CLDN14: variants seen among roughly 807,000 people sequenced by gnomAD.
CLDN14 encodes claudin-14.
In CLDN14, 2 loss-of-function variants were observed where a neutral mutation model predicts 2.1. The ratio of observed to expected loss-of-function variants is 0.96; its 90% CI spans 0.39 to 3.01. The LOEUF is 3.01. Among genes scored for constraint, CLDN14 ranks in the 30% most tolerant of loss-of-function variants. The pLI is 0.09. For synonymous variants in CLDN14, 136 were observed against 154.4 expected (o/e 0.88, Z 0.88); for missense variants, 298 against 328.0 (o/e 0.91, Z 0.71).
chr21:36,553,301 G>A lies in CLDN14; in HGVS notation c.-220+23110C>T, dbSNP rs191585143. 5.6e-4 allele frequency among the ~76,000 whole-genome samples: 86 copies of A among 152,290 alleles called. 1 individual carries two copies. The highest frequency in any genetic ancestry group is 1.9e-3 in the African/African-American group (81 of 41,556). The stretch of plus-strand genomic sequence containing the variant: ...GAAGTAGGAGGTGCAAAAGGCGAGA[G>A]GAAGGGGAAGGTGGATTTGGGAAGG... On this transcript the variant is annotated intron_variant, in intron 1 of 2. Coordinates refer to the CLDN14 transcript ENST00000342108.
chr21:36,534,827 C>G (rs528151243), intron 1 of CLDN14, among the ~76,000 whole-genome samples: 1 of 152,150 alleles, frequency 6.6e-6, no homozygotes, highest in African/African-American at 2.4e-5. Context: ...TGTCCCCGCC[C>G]CTTATATTTA....
At chr21:36,572,211 G>T (rs1366135956) in intron 1 of CLDN14, among the ~76,000 whole-genome samples, 2 of 152,158 alleles carry the variant, frequency 1.3e-5, no homozygotes, top group Non-Finnish European at 2.9e-5. Flanking sequence ...TTGTTTAGGG[G>T]TCGCTATGTA....
chr21:36,520,224 TCTC>T (rs1470499036), intron 1 of CLDN14, among the ~76,000 whole-genome samples: 2 of 152,154 alleles, frequency 1.3e-5, no homozygotes, highest in African/African-American at 2.4e-5. Flanking sequence ...ATTTCCCTCT[TCTC>T]ATAAGGACAC....
chr21:36,492,695 CA>C (rs1217092125), intron 2 of CLDN14, among the ~76,000 whole-genome samples: 4 of 151,898 alleles, frequency 2.6e-5, no homozygotes, highest in African/African-American at 9.7e-5. Context: ...GCTGTCCTTA[CA>C]AAAAAAGGAT....
chr21:36,462,933 GCAAA>G (rs1469558040), intron 1 of CLDN14, among the ~76,000 whole-genome samples: 6 of 123,338 alleles, frequency 4.9e-5, no homozygotes, highest in East Asian at 2.0e-4. Flanking sequence ...AACAAAACAA[GCAAA>G]CAAACAAAAA....
At chr21:36,484,229 C>T (rs1314640481), upstream of CLDN14, among the ~76,000 whole-genome samples, 1 of 152,204 alleles carries the variant, frequency 6.6e-6, no homozygotes, top group Non-Finnish European at 1.5e-5. Flanking sequence ...ATTCTATTTA[C>T]GCATGCATGT....
intron 1 of CLDN14, among the ~76,000 whole-genome samples, chr21:36,471,929 A>ATT (rs142787937): frequency 0.014 from 2,167 of 152,342 alleles, 36 homozygotes; most frequent in African/African-American, 0.047. Context: ...TTCTCTGTAA[A>ATT]TTTAGCCTTT....
chr21:36,486,665 T>C, intron 2 of CLDN14: 1 of 1,424,878 alleles, frequency 7.0e-7, no homozygotes, highest in Non-Finnish European at 9.9e-7. Flanking sequence ...GTTCACCTCC[T>C]CTTCCCCCAA....
At chr21:36,493,793 G>A (rs1358417604) in intron 2 of CLDN14, among the ~76,000 whole-genome samples, 1 of 152,118 alleles carries the variant, frequency 6.6e-6, no homozygotes, top group African/African-American at 2.4e-5. Context: ...AGGAACACAT[G>A]TGGCTGGAGG....
intron 1 of CLDN14, among the ~76,000 whole-genome samples, chr21:36,549,022 T>C (rs2087545055): frequency 6.6e-6 from 1 of 152,166 alleles, no homozygotes; most frequent in Non-Finnish European, 1.5e-5. Context: ...GTAAGGACTG[T>C]GGAATATTTT....
In CLDN14 at chr21:36,501,332, C is replaced by CTTTTTTTTTTTTTT. The variant is rs58458004; in HGVS notation, c.-82+9017_-82+9030dup. ...AATGGGAGTTTCAGTCAATATCTCA[C>CTTTTTTTTTTTTTT]TTTTTTTTTTTTTTTTTTTTTTTTT... On this transcript the variant is annotated intron_variant, in intron 2 of 2. Coordinates refer to the CLDN14 transcript ENST00000342108. Among the ~76,000 whole-genome samples the CTTTTTTTTTTTTTT allele has an allele frequency of 1.2e-3, 57 of 48,442 alleles. 13 individuals are homozygous for CTTTTTTTTTTTTTT. The highest frequency in any genetic ancestry group is 1.2e-3 in the Non-Finnish European group (27 of 23,302). The allele number at this position is 48,442 out of a possible 152,430, so 31.8% of individuals were successfully genotyped here.
chr21:36,496,059 A>G (rs1487809596), intron 2 of CLDN14, among the ~76,000 whole-genome samples: 1 of 152,060 alleles, frequency 6.6e-6, no homozygotes, highest in Admixed American at 6.6e-5. Context: ...CTGGGAGTAA[A>G]TTTCGGTTGT....
chr21:36,500,863 A>G (rs2087086210), intron 2 of CLDN14, among the ~76,000 whole-genome samples: 1 of 152,236 alleles, frequency 6.6e-6, no homozygotes, highest in African/African-American at 2.4e-5. Flanking sequence ...ACACCGCCTT[A>G]TCTTTTAATA....
intron 1 of CLDN14, among the ~76,000 whole-genome samples, chr21:36,534,175 C>T (rs1253600115): frequency 6.6e-6 from 1 of 152,082 alleles, no homozygotes; most frequent in Non-Finnish European, 1.5e-5. Flanking sequence ...GATCTCAGCT[C>T]ACTGCAAACT....
At chr21:36,527,951 G>A (rs1323680454) in intron 1 of CLDN14, among the ~76,000 whole-genome samples, 4 of 152,078 alleles carry the variant, frequency 2.6e-5, no homozygotes, top group Non-Finnish European at 5.9e-5. Flanking sequence ...ATGCTGAGGC[G>A]AGGACAAAAG....
chr21:36,476,019 A>C (rs930019184), intron 1 of CLDN14, among the ~76,000 whole-genome samples: 2 of 152,108 alleles, frequency 1.3e-5, no homozygotes, highest in Non-Finnish European at 1.5e-5. Context: ...AAAGAGTCCA[A>C]AACGGTTTAA....
At chr21:36,555,790 C>T (rs451370) in intron 1 of CLDN14, among the ~76,000 whole-genome samples, 112,849 of 150,824 alleles carry the variant, frequency 0.75, 43,749 homozygotes, top group Non-Finnish European at 0.87. Context: ...TTTCTACTCC[C>T]GATTTTCTAT....
chr21:36,468,196 C>T (rs749861770), intron 1 of CLDN14, among the ~76,000 whole-genome samples: 2 of 152,194 alleles, frequency 1.3e-5, no homozygotes, highest in Admixed American at 1.3e-4. Context: ...GATGTTCAGC[C>T]ACTTCAGAAA....
At chr21:36,574,632 T>TG (rs2087729291) in intron 1 of CLDN14, among the ~76,000 whole-genome samples, 1 of 152,376 alleles carries the variant, frequency 6.6e-6, no homozygotes, top group Admixed American at 6.5e-5. Context: ...TGATTGGTGG[T>TG]TACCAAAGTA....
Sources: gnomAD v4.1 joint callset for allele counts (sites outside exome capture counted in the v4.1 genomes callset) on GRCh38, gnomAD v4.1.1 for gene constraint, MANE v1.5 for transcripts, NCBI Gene and HGNC (gene_info 2026-07-23, HGNC 2026-07-21) for gene names.